Variants in CLNK observed in about 807,000 individuals in gnomAD.
The protein encoded by CLNK is cytokine-dependent hematopoietic cell linker.
A neutral mutation model predicts 68.6 loss-of-function variants in CLNK; 74 were observed. That is an observed-to-expected ratio of 1.08 (90% confidence interval 0.89 to 1.31). The LOEUF (loss-of-function observed/expected upper bound fraction) is 1.31, where lower values mean the gene tolerates loss of function less well. Among genes scored for constraint, CLNK ranks in the 50% most tolerant of loss-of-function variants. CLNK has a pLI of 0.00. For missense variants in CLNK, 553 were observed against 515.3 expected, an observed-to-expected ratio of 1.07 and a Z score of -0.71; for synonymous variants, 198 against 172.2, an observed-to-expected ratio of 1.15 and a Z score of -1.17.
intron 16 of CLNK, among the ~76,000 whole-genome samples, chr4:10,509,510 G>C (rs1001676639): frequency 6.8e-6 from 1 of 148,122 alleles, no homozygotes; most frequent in African/African-American, 2.5e-5. Flanking sequence ...ATCAAGATTG[G>C]GACCAAAAGT....
At chr4:10,620,389 T>A (rs1057278717) in intron 2 of CLNK, among the ~76,000 whole-genome samples, 2 of 152,172 alleles carry the variant, frequency 1.3e-5, no homozygotes, top group Non-Finnish European at 2.9e-5. Context: ...AACCCACCTA[T>A]CCTAAAGTCA....
intron 17 of CLNK, among the ~76,000 whole-genome samples, chr4:10,503,553 T>TAAAATC (rs1372207782): frequency 1.3e-5 from 2 of 148,440 alleles, no homozygotes; most frequent in East Asian, 3.9e-4. Context: ...TATATAGATT[T>TAAAATC]TATAATAGCT....
At chr4:10,708,046 T>C in the CLNK span, among the ~76,000 whole-genome samples, 1 of 151,902 alleles carries the variant, frequency 6.6e-6, no homozygotes, top group Admixed American at 6.6e-5. Context: ...GATAGTGGGG[T>C]TCCAGACAAT....
the CLNK span, among the ~76,000 whole-genome samples, chr4:10,726,338 C>T: frequency 6.6e-6 from 1 of 152,152 alleles, no homozygotes; most frequent in Non-Finnish European, 1.5e-5. Context: ...CCAGGATGGT[C>T]TCGATCTCTT....
At chr4:10,664,128 G>A (rs1024623505) in intron 2 of CLNK, among the ~76,000 whole-genome samples, 1 of 152,036 alleles carries the variant, frequency 6.6e-6, no homozygotes, top group Non-Finnish European at 1.5e-5. Flanking sequence ...GTCTGCTTAG[G>A]ATTCCAGGTT....
intron 3 of CLNK, among the ~76,000 whole-genome samples, chr4:10,593,085 C>T (rs1031162541): frequency 6.6e-6 from 1 of 152,172 alleles, no homozygotes; most frequent in African/African-American, 2.4e-5. Flanking sequence ...AGTGGAACAA[C>T]ACATTTTCTT....
rs533883864 is a variant in CLNK, at chr4:10,598,095, T to C, written c.12-46A>G. The C allele has an allele frequency of 6.6e-6, 9 of 1,360,564 alleles. No homozygotes were observed. The African/African-American group carries it at 7.3e-5, about 11-fold the overall frequency. 84.3% of individuals were successfully genotyped at this position (1,360,564 alleles called of 1,614,324 possible). A position where few individuals can be genotyped will look rare whatever the true frequency, so the allele number is the denominator to read the frequency against. On this transcript the variant is annotated intron_variant, in intron 2 of 18. Coordinates refer to ENST00000226951, the MANE Select transcript of CLNK (RefSeq NM_052964.4). ...TTATAGCTGGGAAATAGCAAGAAGC[T>C]AGGGGAAAAATTAATTAAGTGCATT...
intron 18 of CLNK, among the ~76,000 whole-genome samples, chr4:10,493,276 G>A (rs1259519516): frequency 6.6e-6 from 1 of 152,164 alleles, no homozygotes; most frequent in Admixed American, 6.5e-5. Flanking sequence ...TGTGATGGCG[G>A]CACTGCACTC....
In CLNK at chr4:10,680,740, A is replaced by G. The variant is rs149945002; in HGVS notation, c.-43+3928T>C. On this transcript the variant is annotated intron_variant, in intron 1 of 18. Coordinates refer to ENST00000226951, the MANE Select transcript of CLNK (RefSeq NM_052964.4). ...GCAGTAGATATTTTTATTCCATTTT[A>G]TAAAGGATAAACAGAGGTTCTGAGG... is the stretch of plus-strand genomic sequence containing the variant. Among the ~76,000 whole-genome samples the G allele has an allele frequency of 4.6e-5, 7 of 152,270 alleles. No individual in the cohort carries two copies. In the East Asian group the frequency reaches 1.4e-3, roughly 29 times the overall value.
chr4:10,567,005 C>T (rs1720146913), intron 5 of CLNK, among the ~76,000 whole-genome samples: 1 of 151,624 alleles, frequency 6.6e-6, no homozygotes, highest in South Asian at 2.1e-4. Context: ...GATTGGGAGA[C>T]TTAATCTTGT....
upstream of CLNK, among the ~76,000 whole-genome samples, chr4:10,687,043 G>A (rs746788444): frequency 3.9e-5 from 6 of 152,034 alleles, no homozygotes; most frequent in Non-Finnish European, 8.8e-5. Flanking sequence ...GCCTAGAAGA[G>A]GTGAAAATAA....
At chr4:10,507,877 T>A (rs1717376596) in intron 17 of CLNK, 82 bp downstream of exon 17, 1 of 1,008,582 alleles carries the variant, frequency 9.9e-7, no homozygotes, top group Non-Finnish European at 1.5e-6. Flanking sequence ...AGCAAGCTGC[T>A]TGTTACGTCT....
chr4:10,608,567 G>A (rs1323753501), intron 2 of CLNK, among the ~76,000 whole-genome samples: 1 of 152,164 alleles, frequency 6.6e-6, no homozygotes, highest in Admixed American at 6.5e-5. Context: ...CTCTCCTTTT[G>A]CATCCTTGTT....
chr4:10,581,964 G>C (rs1277977065), intron 4 of CLNK, among the ~76,000 whole-genome samples: 1 of 152,140 alleles, frequency 6.6e-6, no homozygotes. Flanking sequence ...TAAAAGTAGG[G>C]ATTCCCTGGC....
intron 2 of CLNK, among the ~76,000 whole-genome samples, chr4:10,630,381 G>T (rs1171648964): frequency 6.6e-6 from 1 of 152,202 alleles, no homozygotes; most frequent in African/African-American, 2.4e-5. Flanking sequence ...AAAGTCAAAG[G>T]ACTGGCCCAG....
intron 4 of CLNK, among the ~76,000 whole-genome samples, chr4:10,576,965 A>G (rs1176390451): frequency 6.6e-6 from 1 of 152,216 alleles, no homozygotes; most frequent in Non-Finnish European, 1.5e-5. Context: ...GTGGCTTTGC[A>G]GGGACAGGGT....
At chr4:10,602,204 TC>T (rs1696150920) in intron 2 of CLNK, among the ~76,000 whole-genome samples, 1 of 152,194 alleles carries the variant, frequency 6.6e-6, no homozygotes, top group Non-Finnish European at 1.5e-5. Flanking sequence ...CTATCTAATT[TC>T]CCCTGTGAAA....
At chr4:10,640,557 C>A (rs2108875162) in intron 2 of CLNK, among the ~76,000 whole-genome samples, 1 of 152,336 alleles carries the variant, frequency 6.6e-6, no homozygotes. Context: ...TATAATTCTT[C>A]CTCTATTGCT....
intron 2 of CLNK, among the ~76,000 whole-genome samples, chr4:10,662,615 A>G (rs548263926): frequency 6.6e-6 from 1 of 152,336 alleles, no homozygotes; most frequent in South Asian, 2.1e-4. Context: ...TCAAAACACC[A>G]TGATTTTAAA....
Sources: allele counts gnomAD v4.1 joint callset (sites outside exome capture counted in the v4.1 genomes callset), GRCh38; gene constraint gnomAD v4.1.1; transcripts MANE v1.5; gene names NCBI Gene and HGNC (gene_info 2026-07-23, HGNC 2026-07-21).